PAQR5: variants seen among roughly 807,000 people sequenced by gnomAD.
PAQR5 encodes the protein membrane progestin receptor gamma.
In PAQR5, 20 loss-of-function variants were observed where a neutral mutation model predicts 34.5. That is an observed-to-expected ratio of 0.58 (90% CI 0.41 to 0.84). The LOEUF is 0.84. Ranked by LOEUF, PAQR5 falls within the 40% of genes least tolerant of loss-of-function variation. The pLI, the probability that PAQR5 is intolerant of heterozygous loss-of-function variation, is 0.00. For missense variants in PAQR5, 378 were observed against 412.7 expected (o/e 0.92, Z 0.73); for synonymous variants, 131 against 155.6 (o/e 0.84, Z 1.18).
At chr15:69,388,061 G>C (rs1217140173) in intron 5 of PAQR5, among the ~76,000 whole-genome samples, 1 of 152,138 alleles carries the variant, frequency 6.6e-6, no homozygotes, top group Non-Finnish European at 1.5e-5. Flanking sequence ...AGGAAACACG[G>C]AAGGAACATC....
intron 1 of PAQR5, among the ~76,000 whole-genome samples, chr15:69,315,724 A>G (rs1162393669): frequency 1.3e-5 from 2 of 152,160 alleles, no homozygotes; most frequent in Non-Finnish European, 2.9e-5. Flanking sequence ...CTCACTTTTC[A>G]TATAGAGGCC....
chr15:69,345,947 A>C (rs1229126136), intron 2 of PAQR5, among the ~76,000 whole-genome samples: 1 of 152,220 alleles, frequency 6.6e-6, no homozygotes, highest in Admixed American at 6.5e-5. Context: ...CTTTAAAAAC[A>C]AAATAAAACA....
chr15:69,390,352 A>ATT (rs1270003563), intron 6 of PAQR5, among the ~76,000 whole-genome samples: 12,423 of 128,192 alleles, frequency 0.097, 917 homozygotes, highest in Middle Eastern at 0.15. Flanking sequence ...TTATTTATTT[A>ATT]TTTATTTATT....
At chr15:69,319,001 G>T (rs2054018794) in intron 1 of PAQR5, among the ~76,000 whole-genome samples, 1 of 151,332 alleles carries the variant, frequency 6.6e-6, no homozygotes, top group Admixed American at 6.6e-5. Context: ...AGGCGTGGTA[G>T]GGGGCGCCTT....
chr15:69,386,961 C>T (rs1318173866), intron 5 of PAQR5, among the ~76,000 whole-genome samples: 2 of 152,156 alleles, frequency 1.3e-5, no homozygotes, highest in Non-Finnish European at 2.9e-5. Context: ...GGTCCCCTTC[C>T]TCTCACTCCC....
At chr15:69,355,776 T>C (rs917800183) in intron 2 of PAQR5, among the ~76,000 whole-genome samples, 4 of 152,124 alleles carry the variant, frequency 2.6e-5, no homozygotes, top group Non-Finnish European at 4.4e-5. Flanking sequence ...GATAGTCTTA[T>C]TCATCTTTTT....
chr15:69,367,609 A>C (rs1238669966), intron 3 of PAQR5, among the ~76,000 whole-genome samples: 2 of 152,184 alleles, frequency 1.3e-5, no homozygotes, highest in Non-Finnish European at 2.9e-5. Flanking sequence ...CACCCTGAAC[A>C]CACCTATCTT....
At chr15:69,300,877 CTTTCTTTCTTTCTTT>C (rs2053567871) in intron 1 of PAQR5, among the ~76,000 whole-genome samples, 5 of 27,788 alleles carry the variant, frequency 1.8e-4, no homozygotes, top group South Asian at 1.8e-3. Context: ...TTCTTTCTTT[CTTTCTTTCTTTCTTT>C]CTTCCTTCCT....
chr15:69,339,724 G>A lies in PAQR5; in HGVS notation c.-116+2223G>A, dbSNP rs549853106. Reference sequence around the variant, plus strand: ...CTGACCTCAAGTGATCCACTCACCTGGGCCTCCCAAAGTGCTGGGATTACA... The same window carrying A: ...CTGACCTCAAGTGATCCACTCACCTAGGCCTCCCAAAGTGCTGGGATTACA... On this transcript the variant is annotated intron_variant, in intron 2 of 8. Coordinates refer to ENST00000395407, the MANE Select transcript of PAQR5 (RefSeq NM_017705.4). Among the ~76,000 whole-genome samples the A allele has an allele frequency of 7.9e-5, 12 of 152,264 alleles. No homozygotes were observed. In the East Asian group the frequency reaches 2.3e-3, roughly 29 times the overall value.
chr15:69,360,141 C>G lies in PAQR5; in HGVS notation c.51+10C>G. 6.2e-7 allele frequency: 1 copy of G among 1,606,416 alleles called. No individual in the cohort carries two copies. ...AGACCAGATACCCCAGGTATGTGCT[C>G]TATTGATTATGATGGTTCATTTCCA... On this transcript the variant is annotated intron_variant, in intron 3 of 8. Coordinates refer to ENST00000395407, the MANE Select transcript of PAQR5 (RefSeq NM_017705.4).
chr15:69,302,836 C>T (rs1011987210), intron 1 of PAQR5, among the ~76,000 whole-genome samples: 1 of 152,208 alleles, frequency 6.6e-6, no homozygotes, highest in East Asian at 1.9e-4. Context: ...GCCCAGTTTC[C>T]TGCCACCATT....
intron 1 of PAQR5, among the ~76,000 whole-genome samples, chr15:69,330,244 C>T (rs1221187492): frequency 6.6e-6 from 1 of 152,236 alleles, no homozygotes; most frequent in Non-Finnish European, 1.5e-5. Context: ...AGAGATCTAA[C>T]TTAACTGACT....
intron 1 of PAQR5, among the ~76,000 whole-genome samples, chr15:69,306,412 CTT>C (rs34752383): frequency 1.5e-4 from 19 of 127,588 alleles, no homozygotes; most frequent in African/African-American, 2.9e-4. Context: ...ACCATTTAAC[CTT>C]TTTTTTTTTT....
At chr15:69,318,207 T>C (rs1035591471) in intron 1 of PAQR5, among the ~76,000 whole-genome samples, 3 of 152,194 alleles carry the variant, frequency 2.0e-5, no homozygotes, top group Admixed American at 6.5e-5. Flanking sequence ...AGGGGTGCAC[T>C]GGAGGCTGAT....
chr15:69,348,289 T>A (rs1397856935), intron 2 of PAQR5, among the ~76,000 whole-genome samples: 1 of 152,262 alleles, frequency 6.6e-6, no homozygotes, highest in Non-Finnish European at 1.5e-5. Context: ...GTCTCTTAAG[T>A]ATAAGAAGGA....
chr15:69,322,769 AGAGGGAGAAGAAGAAGAC>A lies in PAQR5; in HGVS notation c.-276-14567_-276-14550del, dbSNP rs2054146038. ...AAGAAGAAGAAGAAGAAGAAGAAGAAGAGGGAGAAGAAGAAGACGAGGAAGAAGAAGAAGAGGAAGAGG... is the reference window on the plus strand; with the variant it reads ...AAGAAGAAGAAGAAGAAGAAGAAGAAGAGGAAGAAGAAGAAGAGGAAGAGG... On this transcript the variant is annotated intron_variant, in intron 1 of 8. Coordinates refer to ENST00000395407, the MANE Select transcript of PAQR5 (RefSeq NM_017705.4). Among the ~76,000 whole-genome samples, 26 of 29,610 alleles carry A rather than the reference AGAGGGAGAAGAAGAAGAC, an allele frequency of 8.8e-4. 2 individuals carry two copies. The highest frequency in any genetic ancestry group is 1.9e-3 in the African/African-American group (18 of 9,260). The allele number at this position is 29,610 out of a possible 152,430, so 19.4% of individuals were successfully genotyped here.
chr15:69,305,301 A>G (rs2053689814), intron 1 of PAQR5, among the ~76,000 whole-genome samples: 1 of 152,098 alleles, frequency 6.6e-6, no homozygotes, highest in African/African-American at 2.4e-5. Context: ...TCAATGATCT[A>G]TGAAGACCCT....
chr15:69,334,965 G>A (rs2054477637), intron 1 of PAQR5, among the ~76,000 whole-genome samples: 2 of 152,130 alleles, frequency 1.3e-5, no homozygotes, highest in Admixed American at 6.5e-5. Flanking sequence ...GCTCACGCCT[G>A]TAATCCCAGC....
chr15:69,339,319 G>A (rs781105325), intron 2 of PAQR5, among the ~76,000 whole-genome samples: 8 of 152,018 alleles, frequency 5.3e-5, no homozygotes, highest in East Asian at 3.9e-4. Context: ...CTGTCTTGAC[G>A]AATTGGCTCT....
Sources: allele counts gnomAD v4.1 joint callset (sites outside exome capture counted in the v4.1 genomes callset), GRCh38; gene constraint gnomAD v4.1.1; transcripts MANE v1.5; gene names NCBI Gene and HGNC (gene_info 2026-07-23, HGNC 2026-07-21).